RNF150: variants seen among roughly 807,000 people sequenced by gnomAD.
RNF150 encodes the protein ring finger protein 150.
A neutral mutation model predicts 39.3 loss-of-function variants in RNF150; 24 were observed. The observed-to-expected ratio is 0.61, with a 90% CI of 0.44 to 0.86. The LOEUF (loss-of-function observed/expected upper bound fraction) is 0.86. Among genes scored for constraint, RNF150 ranks in the 40% least tolerant of loss-of-function variants. RNF150 has a pLI of 0.00. For missense variants in RNF150, 502 were observed against 587.8 expected (o/e 0.85, Z 1.51); for synonymous variants, 255 against 227.3 (o/e 1.12, Z -1.10).
chr4:140,884,501 G>A (rs1729490489), intron 6 of RNF150, among the ~76,000 whole-genome samples: 1 of 152,108 alleles, frequency 6.6e-6, no homozygotes, highest in Non-Finnish European at 1.5e-5. Flanking sequence ...CCTTTTCTGA[G>A]GATGTGTGCT....
In RNF150 at chr4:141,027,952, T is replaced by TTTTTTTTTTTTTTTTTTTTTTTG. The variant is rs1553938684; in HGVS notation, c.485-60080_485-60079insCAAAAAAAAAAAAAAAAAAAAAA. Among the ~76,000 whole-genome samples the TTTTTTTTTTTTTTTTTTTTTTTG allele has an allele frequency of 7.0e-5, 5 of 71,578 alleles. 1 individual carries two copies. The highest frequency in any genetic ancestry group is 1.5e-4 in the Non-Finnish European group (5 of 34,328). The allele number at this position is 71,578 out of a possible 152,430, so 47.0% of individuals were successfully genotyped here. A position where few individuals can be genotyped will look rare whatever the true frequency, so the allele number is the denominator to read the frequency against. ...TTTTTTTTTTTTTTTTTTTTTTTTTTCAATCCTGCTGGATCAAGATGTATA... is the reference window on the plus strand; with the variant it reads ...TTTTTTTTTTTTTTTTTTTTTTTTTTTTTTTTTTTTTTTTTTTTTTTTGCAATCCTGCTGGATCAAGATGTATA... On this transcript the variant is annotated intron_variant, in intron 1 of 6. Coordinates refer to ENST00000515673, the MANE Select transcript of RNF150 (RefSeq NM_020724.2).
chr4:140,905,682 G>A (rs1386157855), intron 6 of RNF150, among the ~76,000 whole-genome samples: 3 of 142,850 alleles, frequency 2.1e-5, no homozygotes, highest in Non-Finnish European at 4.7e-5. Flanking sequence ...GTTGCTGCAG[G>A]GGAATCCCCA....
chr4:140,949,494 G>A (rs4956494), intron 2 of RNF150, 122 bp from the exon 3 acceptor site: 379,374 of 759,008 alleles, frequency 0.5, 97,930 homozygotes, highest in African/African-American at 0.56. Flanking sequence ...ATGAATGCTA[G>A]CAATGACGAC....
chr4:141,035,474 A>G (rs903025037), intron 1 of RNF150, among the ~76,000 whole-genome samples: 2 of 152,224 alleles, frequency 1.3e-5, no homozygotes, highest in African/African-American at 4.8e-5. Flanking sequence ...TATGCATTTA[A>G]TATCAATGGG....
chr4:140,974,542 G>A (rs893840171), intron 1 of RNF150, among the ~76,000 whole-genome samples: 2 of 152,080 alleles, frequency 1.3e-5, no homozygotes, highest in Admixed American at 6.6e-5. Context: ...TAGCTTGTAC[G>A]GTAGTTGAAC....
rs768818279 is a variant in RNF150, at chr4:141,212,563, C to G, written c.-6+231G>C. On this transcript the variant is annotated intron_variant, in intron 1 of 7. Transcript: ENST00000420921. Reference sequence around the variant, plus strand: ...TTAGATACAAAGACAACACAGAAAACCATTCCTACTAGCTTCTTCTGTGTG... The same window carrying G: ...TTAGATACAAAGACAACACAGAAAAGCATTCCTACTAGCTTCTTCTGTGTG... Among the ~76,000 whole-genome samples the G allele has an allele frequency of 7.2e-5, 11 of 152,238 alleles. No individual in the cohort carries two copies. In the South Asian group the frequency reaches 8.3e-4, roughly 11 times the overall value.
rs1728424156 is a variant in RNF150, at chr4:140,860,085, A to G, written c.*8176T>C. The G allele has an allele frequency of 6.6e-6, 1 of 152,138 alleles. No individual in the cohort carries two copies. The highest frequency in any genetic ancestry group is 6.5e-5 in the Admixed American group (1 of 15,272). The allele number at this position is 152,138 out of a possible 1,614,324, so 9.4% of individuals were successfully genotyped here. A position where few individuals can be genotyped will look rare whatever the true frequency, so the allele number is the denominator to read the frequency against. ...GTACAAAGAGAATAGAATAAAGCAA[A>G]ATAAAAGTCTGTGTCTCCTAATAGA... is the stretch of plus-strand genomic sequence containing the variant. On this transcript the variant is annotated 3_prime_UTR_variant, in exon 7 of 7. Coordinates refer to ENST00000515673, the MANE Select transcript of RNF150 (RefSeq NM_020724.2).
At chr4:141,041,229 G>C (rs1370717780) in intron 1 of RNF150, among the ~76,000 whole-genome samples, 3 of 152,086 alleles carry the variant, frequency 2.0e-5, no homozygotes, top group East Asian at 1.9e-4. Flanking sequence ...TAAGTGCTGT[G>C]ATATAAGTAC....
At chr4:141,071,536 G>A (rs1737704861) in intron 1 of RNF150, among the ~76,000 whole-genome samples, 1 of 151,958 alleles carries the variant, frequency 6.6e-6, no homozygotes, top group Admixed American at 6.6e-5. Flanking sequence ...AGCAAAGGAG[G>A]AAATTTGTTG....
chr4:141,065,398 C>T (rs1430944529), intron 1 of RNF150, among the ~76,000 whole-genome samples: 1 of 151,958 alleles, frequency 6.6e-6, no homozygotes, highest in Non-Finnish European at 1.5e-5. Flanking sequence ...TCTGACTCTA[C>T]TAAAAAATTT....
At chr4:141,098,609 G>A (rs1402738995) in intron 1 of RNF150, among the ~76,000 whole-genome samples, 1 of 152,158 alleles carries the variant, frequency 6.6e-6, no homozygotes, top group East Asian at 1.9e-4. Flanking sequence ...GATCTCTAAG[G>A]TCTTTTCCAA....
At chr4:141,177,125 A>C (rs979076812) in intron 1 of RNF150, among the ~76,000 whole-genome samples, 5 of 152,002 alleles carry the variant, frequency 3.3e-5, no homozygotes, top group Admixed American at 2.6e-4. Context: ...CTAGCTGCTC[A>C]GTAGGCTGAG....
intron 1 of RNF150, among the ~76,000 whole-genome samples, chr4:141,158,679 A>G (rs1727458612): frequency 6.6e-6 from 1 of 152,126 alleles, no homozygotes; most frequent in Admixed American, 6.5e-5. Context: ...TCATTTTTAC[A>G]ATGTACAGAT....
chr4:140,896,086 G>C (rs1409532320), intron 6 of RNF150, among the ~76,000 whole-genome samples: 1 of 112,076 alleles, frequency 8.9e-6, no homozygotes, highest in Non-Finnish European at 1.8e-5. Context: ...TACACTGTTG[G>C]TGGGACTGTA....
rs745494545 is a variant in RNF150 at position 141,132,442 on chromosome 4, T to C, written c.367A>G (p.Lys123Glu). ...RGKNWIALIP[K>E]GNCTYRDKIR... ...TTATCCCTGTACGTGCAGTTGCCCTTGGGGATGAGGGCTATCCAGTTCTTG... is the reference window on the plus strand; with the variant it reads ...TTATCCCTGTACGTGCAGTTGCCCTCGGGGATGAGGGCTATCCAGTTCTTG... The change falls in exon 1 of 7, where the codon AAG (lysine) becomes GAG (glutamate). Residue 123 changes from lysine (K) to glutamate (E), a missense_variant. Coordinates refer to ENST00000515673, the MANE Select transcript of RNF150 (RefSeq NM_020724.2). This position sits in a 1 kb window ranked among gnomAD's most constrained non-coding sequence, Gnocchi z 4.9. 8.1e-6 allele frequency: 13 copies of C among 1,610,662 alleles called. No homozygotes were observed. In the East Asian group the frequency reaches 2.9e-4, roughly 36 times the overall value.
At chr4:141,207,370 A>T (rs987666061) in intron 1 of RNF150, among the ~76,000 whole-genome samples, 1 of 152,166 alleles carries the variant, frequency 6.6e-6, no homozygotes, top group East Asian at 1.9e-4. Flanking sequence ...GAAGGAAAAA[A>T]ATCAGAGGGA....
At chr4:141,093,051 T>A (rs1251842904) in intron 1 of RNF150, among the ~76,000 whole-genome samples, 1 of 152,020 alleles carries the variant, frequency 6.6e-6, no homozygotes, top group East Asian at 1.9e-4. Context: ...GCCTAGGGGC[T>A]TTGTAGGATA....
chr4:140,926,192 C>T, intron 4 of RNF150, 119 bp from the exon 5 acceptor site: 6 of 698,344 alleles, frequency 8.6e-6, no homozygotes, highest in East Asian at 5.1e-5. Context: ...AAGACTCAAA[C>T]CTCCATCCCT....
At chr4:140,959,915 T>G (rs1205239183) in intron 2 of RNF150, among the ~76,000 whole-genome samples, 1 of 152,104 alleles carries the variant, frequency 6.6e-6, no homozygotes, top group Non-Finnish European at 1.5e-5. Context: ...GCTTCTGCAA[T>G]ACCCTCTCCC....
Sources: allele counts gnomAD v4.1 joint callset (sites outside exome capture counted in the v4.1 genomes callset), GRCh38; gene constraint gnomAD v4.1.1; non-coding constraint Gnocchi (gnomAD v3.1); transcripts MANE v1.5; gene names NCBI Gene and HGNC (gene_info 2026-07-23, HGNC 2026-07-21).